Variants in CACNA2D3 observed in about 807,000 individuals in gnomAD.
The protein encoded by CACNA2D3 is calcium voltage-gated channel auxiliary subunit alpha2delta 3.
In CACNA2D3, 60 loss-of-function variants were observed where a neutral mutation model predicts 160.6. The observed-to-expected ratio is 0.37, with a 90% confidence interval of 0.30 to 0.46. The LOEUF is 0.46. Among genes scored for constraint, CACNA2D3 ranks in the 20% least tolerant of loss-of-function variants. CACNA2D3 has a pLI of 1.00. For synonymous variants in CACNA2D3, 558 were observed against 492.9 expected (o/e 1.13, Z -1.75); for missense variants, 1,205 against 1,365.0 (o/e 0.88, Z 1.85).
intron 4 of CACNA2D3, among the ~76,000 whole-genome samples, chr3:54,408,265 G>A (rs562238785): frequency 6.6e-6 from 1 of 152,150 alleles, no homozygotes; most frequent in Non-Finnish European, 1.5e-5. Context: ...AGTCTGGATT[G>A]AGTGGAGCTT....
At position 54,554,223 on chromosome 3, in the gene CACNA2D3, C is replaced by T. The variant is rs76672857; in HGVS notation, c.545-8577C>T. 8.3e-3 allele frequency among the ~76,000 whole-genome samples: 1,269 copies of T among 152,288 alleles called. 15 individuals carry two copies. Among genetic ancestry groups the T allele is most frequent in the African/African-American group, 0.029 (1,213 of 41,544 alleles). On this transcript the variant is annotated intron_variant, in intron 5 of 37. Coordinates refer to ENST00000474759, the MANE Select transcript of CACNA2D3 (RefSeq NM_018398.3). The stretch of plus-strand genomic sequence containing the variant: ...GGGTAAACCCCCTCCCCACTTTCCA[C>T]AGACAGTAACTCTCTGGCTTATCCC...
At chr3:54,323,881 C>A (rs982530275) in intron 3 of CACNA2D3, among the ~76,000 whole-genome samples, 2 of 152,198 alleles carry the variant, frequency 1.3e-5, no homozygotes, top group Non-Finnish European at 2.9e-5. Flanking sequence ...CCCCCTCCCC[C>A]AGCAGTTGGA....
intron 9 of CACNA2D3, among the ~76,000 whole-genome samples, chr3:54,604,706 A>C (rs1437925851): frequency 6.6e-6 from 1 of 152,118 alleles, no homozygotes; most frequent in African/African-American, 2.4e-5. Context: ...CTGTTTCCTG[A>C]ATCTTGGCAG....
chr3:54,795,287 C>A (rs1010285855), intron 13 of CACNA2D3, among the ~76,000 whole-genome samples: 1 of 151,866 alleles, frequency 6.6e-6, no homozygotes, highest in African/African-American at 2.4e-5. Flanking sequence ...TTATTTATCC[C>A]TTTATTGTGT....
intron 11 of CACNA2D3, among the ~76,000 whole-genome samples, chr3:54,661,191 G>C (rs1357879151): frequency 6.6e-6 from 1 of 152,184 alleles, no homozygotes. Flanking sequence ...GAGAGGGTCA[G>C]CCTGGCTGGG....
At chr3:54,280,806 C>T (rs1215597713) in intron 2 of CACNA2D3, among the ~76,000 whole-genome samples, 3 of 152,200 alleles carry the variant, frequency 2.0e-5, no homozygotes, top group Non-Finnish European at 4.4e-5. Context: ...AACGATTCCT[C>T]CTCCTTTTTG....
chr3:54,306,065 T>G (rs943929357), intron 2 of CACNA2D3, among the ~76,000 whole-genome samples: 6 of 141,494 alleles, frequency 4.2e-5, no homozygotes, highest in African/African-American at 1.9e-4. Context: ...AGTTTTAATA[T>G]AATCAGTTTC....
chr3:55,017,889 CAT>C (rs2107156909), intron 34 of CACNA2D3, among the ~76,000 whole-genome samples: 1 of 152,266 alleles, frequency 6.6e-6, no homozygotes, highest in African/African-American at 2.4e-5. Flanking sequence ...TTCAGATACA[CAT>C]ATGTGTTGTT....
chr3:54,336,832 A>G (rs1704391704), intron 3 of CACNA2D3, among the ~76,000 whole-genome samples: 1 of 152,190 alleles, frequency 6.6e-6, no homozygotes, highest in Admixed American at 6.5e-5. Flanking sequence ...GATTTATAGT[A>G]CAGTAGCATC....
At chr3:54,583,146 T>C (rs536716917) in intron 9 of CACNA2D3, among the ~76,000 whole-genome samples, 4 of 152,160 alleles carry the variant, frequency 2.6e-5, no homozygotes, top group East Asian at 3.9e-4. Flanking sequence ...TATTCCAATA[T>C]TGTAATATTG....
intron 25 of CACNA2D3, among the ~76,000 whole-genome samples, chr3:54,893,459 C>T (rs1575536058): frequency 6.6e-6 from 1 of 152,184 alleles, no homozygotes; most frequent in Admixed American, 6.5e-5. Flanking sequence ...GGCACCTTGA[C>T]ATCTATTGTC....
chr3:54,944,117 A>G (rs1041468060), intron 27 of CACNA2D3, among the ~76,000 whole-genome samples: 2 of 152,074 alleles, frequency 1.3e-5, no homozygotes, highest in African/African-American at 2.4e-5. Flanking sequence ...TACCATTTCC[A>G]TATCCTTTGG....
chr3:54,187,756 G>A (rs933102638), intron 2 of CACNA2D3, among the ~76,000 whole-genome samples: 2 of 152,100 alleles, frequency 1.3e-5, no homozygotes, highest in African/African-American at 2.4e-5. Context: ...CATAAGGAGC[G>A]TGCAACCTGA....
rs1446786322 is a variant in CACNA2D3 at position 54,927,820 on chromosome 3, T to C, written c.2449+27952T>C. 4 of 1,426,934 alleles carry C rather than the reference T, an allele frequency of 2.8e-6. No homozygotes were observed. The South Asian group carries it at 3.4e-5, about 12-fold the overall frequency. The allele number at this position is 1,426,934 out of a possible 1,614,324, so 88.4% of individuals were successfully genotyped here. ...TCTTTTAAGACAGACGACTTGAAAA[T>C]AGATTTCCCGCAGATACCTTTGTGA... is the stretch of plus-strand genomic sequence containing the variant. On this transcript the variant is annotated intron_variant, in intron 27 of 37. Coordinates refer to ENST00000474759, the MANE Select transcript of CACNA2D3 (RefSeq NM_018398.3).
chr3:55,032,338 T>G (rs1703704381), intron 35 of CACNA2D3, among the ~76,000 whole-genome samples: 1 of 152,190 alleles, frequency 6.6e-6, no homozygotes, highest in Non-Finnish European at 1.5e-5. Flanking sequence ...AGGGTTTGCT[T>G]TGGAAACTGA....
intron 11 of CACNA2D3, among the ~76,000 whole-genome samples, chr3:54,680,311 T>C (rs1256216610): frequency 2.0e-5 from 3 of 152,256 alleles, no homozygotes; most frequent in Admixed American, 6.5e-5. Flanking sequence ...CTTTTTATTC[T>C]AAGGTTTTGT....
chr3:54,867,348 CAG>C (rs1699425227), intron 17 of CACNA2D3, among the ~76,000 whole-genome samples: 1 of 152,098 alleles, frequency 6.6e-6, no homozygotes, highest in African/African-American at 2.4e-5. Flanking sequence ...TCTTGGAAAA[CAG>C]TGAGGCATTT....
intron 4 of CACNA2D3, among the ~76,000 whole-genome samples, chr3:54,404,239 A>G (rs1207739437): frequency 1.3e-5 from 2 of 152,196 alleles, no homozygotes; most frequent in African/African-American, 2.4e-5. Context: ...GATGTAAAAA[A>G]TCATCAATAA....
intron 4 of CACNA2D3, among the ~76,000 whole-genome samples, chr3:54,446,321 T>C (rs943417173): frequency 6.6e-6 from 1 of 152,104 alleles, no homozygotes; most frequent in Non-Finnish European, 1.5e-5. Flanking sequence ...GGAAAATCCA[T>C]AGAGCATAGA....
Sources: gnomAD v4.1 joint callset for allele counts (sites outside exome capture counted in the v4.1 genomes callset) on GRCh38, gnomAD v4.1.1 for gene constraint, MANE v1.5 for transcripts, NCBI Gene and HGNC (gene_info 2026-07-23, HGNC 2026-07-21) for gene names.